PMEPA1: variants seen among roughly 807,000 people sequenced by gnomAD.
PMEPA1 encodes protein TMEPAI.
PMEPA1 carries 11 observed loss-of-function variants against 23.0 expected under a neutral mutation model. The observed-to-expected ratio is 0.48, with a 90% CI of 0.30 to 0.79. The LOEUF (loss-of-function observed/expected upper bound fraction) is 0.79, where lower values mean the gene tolerates loss of function less well. PMEPA1 is among the 30% of genes least tolerant of loss of function. The pLI, the probability that PMEPA1 is intolerant of heterozygous loss-of-function variation, is 0.06. For synonymous variants in PMEPA1, 204 were observed against 166.4 expected (o/e 1.23, Z -1.74); for missense variants, 377 against 390.9 (o/e 0.96, Z 0.30).
At chr20:57,706,864 G>C (rs926898274) in intron 1 of PMEPA1, among the ~76,000 whole-genome samples, 4 of 152,186 alleles carry the variant, frequency 2.6e-5, no homozygotes, top group African/African-American at 7.2e-5. Context: ...ATTTGGGGTA[G>C]CTGAAGACCA....
chr20:57,681,040 C>T (rs1277597700), intron 1 of PMEPA1, among the ~76,000 whole-genome samples: 1 of 152,200 alleles, frequency 6.6e-6, no homozygotes, highest in Non-Finnish European at 1.5e-5. Flanking sequence ...TGCAGGACAA[C>T]TTCTAGTTTC....
chr20:57,662,103 T>C (rs1167181636), intron 1 of PMEPA1, among the ~76,000 whole-genome samples: 1 of 152,124 alleles, frequency 6.6e-6, no homozygotes, highest in African/African-American at 2.4e-5. Flanking sequence ...AATGAGCCAG[T>C]GTTTCTCAGC....
intron 1 of PMEPA1, among the ~76,000 whole-genome samples, chr20:57,665,330 G>T (rs578076343): frequency 6.6e-6 from 1 of 152,248 alleles, no homozygotes; most frequent in South Asian, 2.1e-4. Flanking sequence ...CTCAAAAGGG[G>T]GAAGGGTTTC....
intron 1 of PMEPA1, among the ~76,000 whole-genome samples, chr20:57,677,775 CA>C (rs1000884853): frequency 6.6e-6 from 1 of 151,446 alleles, no homozygotes; most frequent in South Asian, 2.1e-4. Context: ...AACAAACAAA[CA>C]AAAAAAACTG....
At chr20:57,696,221 C>T (rs558643025) in intron 1 of PMEPA1, among the ~76,000 whole-genome samples, 14 of 152,296 alleles carry the variant, frequency 9.2e-5, no homozygotes, top group South Asian at 4.1e-4. Context: ...AAGTGACAGG[C>T]GGTTCTGAGG....
At chr20:57,689,882 C>T (rs574396034) in intron 1 of PMEPA1, among the ~76,000 whole-genome samples, 10 of 152,264 alleles carry the variant, frequency 6.6e-5, no homozygotes, top group South Asian at 2.1e-4. Context: ...CTCTATATAT[C>T]GGAGGGACAC....
rs778492572 is a variant in PMEPA1 at position 57,659,532 on chromosome 20, G to C, written c.264+11C>G. On this transcript the variant is annotated intron_variant, in intron 2 of 3. Transcript: ENST00000341744. ...ACCCTCAGGCCACAGATGGGATGGC[G>C]GGGCACTTACTGAGGACAGGGCATC... is the stretch of plus-strand genomic sequence containing the variant. 6.2e-7 allele frequency: 1 copy of C among 1,612,574 alleles called. No homozygotes were observed. Among genetic ancestry groups the C allele is most frequent in the Non-Finnish European group, 8.5e-7 (1 of 1,179,094 alleles).
chr20:57,666,282 TG>T (rs2146657892), intron 1 of PMEPA1, among the ~76,000 whole-genome samples: 1 of 152,184 alleles, frequency 6.6e-6, no homozygotes, highest in African/African-American at 2.4e-5. Flanking sequence ...TGCCCTGTCC[TG>T]TTTGTCCTAC....
At chr20:57,668,603 G>C (rs1190054741) in intron 1 of PMEPA1, among the ~76,000 whole-genome samples, 1 of 152,234 alleles carries the variant, frequency 6.6e-6, no homozygotes, top group African/African-American at 2.4e-5. Context: ...CATCACTTAT[G>C]TGCAGTGTAG....
intron 2 of PMEPA1, among the ~76,000 whole-genome samples, chr20:57,658,470 A>T (rs576279699): frequency 8.3e-4 from 126 of 152,322 alleles, no homozygotes; most frequent in African/African-American, 2.7e-3. Flanking sequence ...CCACTTCCCA[A>T]ACGCAGGGGG....
Position 57,704,593 on chromosome 20 carries a change from G to A in PMEPA1, c.109+4881C>T, listed in dbSNP as rs548713071. Among the ~76,000 whole-genome samples the A allele has an allele frequency of 1.3e-5, 2 of 152,332 alleles. No homozygotes were observed. The highest frequency in any genetic ancestry group is 1.9e-4 in the East Asian group (1 of 5,188). On this transcript the variant is annotated intron_variant, in intron 1 of 3. Coordinates refer to ENST00000341744, the MANE Select transcript of PMEPA1 (RefSeq NM_020182.5). The surrounding 1 kb of genome is among the most constrained non-coding windows in gnomAD (Gnocchi z 4.6). ...CTCTTTGGGCAGGATCCCAGACACCGAGGTGCCTGCAAACTTGGTCTCTGG... is the reference window on the plus strand; with the variant it reads ...CTCTTTGGGCAGGATCCCAGACACCAAGGTGCCTGCAAACTTGGTCTCTGG...
chr20:57,692,020 T>A (rs1020403858), intron 1 of PMEPA1, among the ~76,000 whole-genome samples: 4 of 152,120 alleles, frequency 2.6e-5, no homozygotes, highest in Non-Finnish European at 5.9e-5. Flanking sequence ...CCCATCACCC[T>A]CTTCTCCCTT....
rs1038420052 is a variant in PMEPA1 at position 57,704,382 on chromosome 20, T to C, written c.109+5092A>G. On this transcript the variant is annotated intron_variant, in intron 1 of 3. Transcript: ENST00000341744. This position sits in a 1 kb window ranked among gnomAD's most constrained non-coding sequence, Gnocchi z 4.6. ...CATCCTTGTCACTCCAGAGGGTGCA[T>C]GAAGAGTAGGTCCGTCTCCCGCACA... Among the ~76,000 whole-genome samples the C allele has an allele frequency of 3.3e-5, 5 of 152,090 alleles. No homozygotes were observed. Among genetic ancestry groups the C allele is most frequent in the East Asian group, 1.9e-4 (1 of 5,176 alleles).
rs2072054174 is a variant in PMEPA1 at position 57,704,688 on chromosome 20, C to T, written c.109+4786G>A. Among the ~76,000 whole-genome samples, 1 of 152,222 alleles carries T rather than the reference C, an allele frequency of 6.6e-6. No homozygotes were observed. Among genetic ancestry groups the T allele is most frequent in the African/African-American group, 2.4e-5 (1 of 41,452 alleles). ...GGACCCTGCCACCAGCACCTTCCTC[C>T]AAACATTTTCTGGCTTTTAAACTAT... On this transcript the variant is annotated intron_variant, in intron 1 of 3. Transcript: ENST00000341744. This position sits in a 1 kb window ranked among gnomAD's most constrained non-coding sequence, Gnocchi z 4.6.
rs993886310 is a variant in PMEPA1, at chr20:57,656,856, T to C, written c.264+2687A>G. 3.9e-5 allele frequency among the ~76,000 whole-genome samples: 6 copies of C among 152,192 alleles called. No homozygotes were observed. Among genetic ancestry groups the C allele is most frequent in the Admixed American group, 2.0e-4 (3 of 15,286 alleles). On this transcript the variant is annotated intron_variant, in intron 2 of 3. Coordinates refer to ENST00000341744, the MANE Select transcript of PMEPA1 (RefSeq NM_020182.5). This position sits in a 1 kb window ranked among gnomAD's most constrained non-coding sequence, Gnocchi z 4.7. ...AGAGCATGGATGGGCTGGGGGGATG[T>C]AGACTGGGCCCGGGACAGATAAGAG...
In PMEPA1 at chr20:57,683,547, C is replaced by CTGTG. The variant is rs56747812; in HGVS notation, c.110-23854_110-23851dup. ...ACTAACTCGGTGGTGGTGTTCTGGC[C>CTGTG]TGTGTGCGTGTGTGTGTGTGTGTGT... On this transcript the variant is annotated intron_variant, in intron 1 of 3. Coordinates refer to ENST00000341744, the MANE Select transcript of PMEPA1 (RefSeq NM_020182.5). This position sits in a 1 kb window ranked among gnomAD's most constrained non-coding sequence, Gnocchi z 4.3. 3.0e-4 allele frequency among the ~76,000 whole-genome samples: 42 copies of CTGTG among 139,950 alleles called. No homozygotes were observed. The highest frequency in any genetic ancestry group is 9.5e-4 in the South Asian group (4 of 4,216). The allele number at this position is 139,950 out of a possible 152,430, so 91.8% of individuals were successfully genotyped here. A position where few individuals can be genotyped will look rare whatever the true frequency, so the allele number is the denominator to read the frequency against.
intron 1 of PMEPA1, among the ~76,000 whole-genome samples, chr20:57,663,795 C>A (rs1268812573): frequency 1.3e-5 from 2 of 152,182 alleles, no homozygotes; most frequent in Admixed American, 6.5e-5. Context: ...AAGAGAGGTG[C>A]TCCAGCCAGC....
chr20:57,692,655 C>A (rs1006249025), intron 1 of PMEPA1, among the ~76,000 whole-genome samples: 2 of 152,218 alleles, frequency 1.3e-5, no homozygotes, highest in Admixed American at 6.5e-5. Context: ...AAGTGGCTGT[C>A]CCACCCCATG....
At chr20:57,695,928 A>C (rs1408577169) in intron 1 of PMEPA1, among the ~76,000 whole-genome samples, 1 of 152,148 alleles carries the variant, frequency 6.6e-6, no homozygotes, top group African/African-American at 2.4e-5. Context: ...GCCAGGACTG[A>C]GAACCACTGC....
Sources: allele counts gnomAD v4.1 joint callset (sites outside exome capture counted in the v4.1 genomes callset), GRCh38; gene constraint gnomAD v4.1.1; non-coding constraint Gnocchi (gnomAD v3.1); transcripts MANE v1.5; gene names NCBI Gene and HGNC (gene_info 2026-07-23, HGNC 2026-07-21).